Variants in CNTN4 observed in about 807,000 individuals in gnomAD.
CNTN4 encodes contactin 4.
A neutral mutation model predicts 122.5 loss-of-function variants in CNTN4; 77 were observed. That is an observed-to-expected ratio of 0.63 (90% CI 0.52 to 0.76). The LOEUF is 0.76. Among genes scored for constraint, CNTN4 ranks in the 30% least tolerant of loss-of-function variants. The pLI is 0.00. For missense variants in CNTN4, 1,256 were observed against 1,259.1 expected (o/e 1.00, Z 0.04); for synonymous variants, 512 against 447.0 (o/e 1.15, Z -1.83).
intron 2 of CNTN4, among the ~76,000 whole-genome samples, chr3:2,259,369 T>G (rs570433333): frequency 4.6e-5 from 7 of 152,228 alleles, no homozygotes; most frequent in Non-Finnish European, 7.3e-5. Flanking sequence ...GTTATTCTCA[T>G]GTTACATGAT....
intron 14 of CNTN4, among the ~76,000 whole-genome samples, chr3:2,999,833 A>T (rs1341945168): frequency 6.6e-6 from 1 of 152,206 alleles, no homozygotes; most frequent in African/African-American, 2.4e-5. Flanking sequence ...GAAGGGATTT[A>T]TGTCAATGGG....
In CNTN4 at chr3:2,151,649, G is replaced by C. The variant is rs113735654; in HGVS notation, c.-145+51010G>C. On this transcript the variant is annotated intron_variant, in intron 2 of 24. Coordinates refer to ENST00000418658, the MANE Select transcript of CNTN4 (RefSeq NM_175607.3). ...TTTAAGAGGTGATTAGACCCTGAGG[G>C]ATCTGCCCTCAAGAATGGATTCATC... 1.6e-3 allele frequency among the ~76,000 whole-genome samples: 249 copies of C among 152,306 alleles called. 1 individual carries two copies. The highest frequency in any genetic ancestry group is 5.8e-3 in the African/African-American group (241 of 41,560).
At position 2,574,226 on chromosome 3, in the gene CNTN4, G is replaced by A. The variant is rs151017501; in HGVS notation, c.55+2668G>A. Among the ~76,000 whole-genome samples the A allele has an allele frequency of 1.5e-3, 230 of 151,790 alleles. 3 individuals are homozygous for A. Among genetic ancestry groups the A allele is most frequent in the African/African-American group, 4.9e-3 (203 of 41,196 alleles). On this transcript the variant is annotated intron_variant, in intron 4 of 24. Coordinates refer to ENST00000418658, the MANE Select transcript of CNTN4 (RefSeq NM_175607.3). Reference sequence around the variant, plus strand: ...AGTGAAACTCCATCTCACCAAAAACGAAAAACAAAAACAAAACAAAAAACT... The same window carrying A: ...AGTGAAACTCCATCTCACCAAAAACAAAAAACAAAAACAAAACAAAAAACT...
chr3:2,553,773 G>A (rs192253491), intron 3 of CNTN4, among the ~76,000 whole-genome samples: 5 of 152,134 alleles, frequency 3.3e-5, no homozygotes, highest in African/African-American at 7.2e-5. Flanking sequence ...ATCATGAAAA[G>A]TTACTATTAA....
At chr3:2,478,410 T>TTG (rs1553661836) in intron 3 of CNTN4, among the ~76,000 whole-genome samples, 11 of 123,654 alleles carry the variant, frequency 8.9e-5, no homozygotes, top group Non-Finnish European at 1.6e-4. Flanking sequence ...ATCTGTTTGT[T>TTG]TTTTTTTTTT....
At chr3:2,844,086 A>G (rs765436250) in intron 7 of CNTN4, among the ~76,000 whole-genome samples, 3 of 152,100 alleles carry the variant, frequency 2.0e-5, no homozygotes, top group Non-Finnish European at 4.4e-5. Context: ...CCTCCTAGCA[A>G]TGGGGCCTTT....
At chr3:2,782,577 A>C (rs2091647055) in intron 6 of CNTN4, among the ~76,000 whole-genome samples, 1 of 151,534 alleles carries the variant, frequency 6.6e-6, no homozygotes, top group Admixed American at 6.6e-5. Flanking sequence ...ACAAAGAATT[A>C]GCATAAGTCC....
Position 3,056,160 on chromosome 3 carries a change from A to T in CNTN4, c.3021A>T (p.Ala1007=), listed in dbSNP as rs373172900. The T allele has an allele frequency of 6.2e-7, 1 of 1,614,154 alleles. No individual in the cohort carries two copies. Among genetic ancestry groups the T allele is most frequent in the Non-Finnish European group, 8.5e-7 (1 of 1,179,984 alleles). Residue 1007 remains alanine (A), a synonymous_variant, in exon 25 of 25, where the codon GCA becomes GCT. Transcript: ENST00000418658. ...ARGSGASTSN[A]CTLSAISTIM... Reference sequence around the variant, plus strand: ...GATCTGGGGCTTCCACTTCGAATGCATGTACGCTGTCAGCCATCAGTACAA... The same window carrying T: ...GATCTGGGGCTTCCACTTCGAATGCTTGTACGCTGTCAGCCATCAGTACAA...
intron 2 of CNTN4, among the ~76,000 whole-genome samples, chr3:2,256,357 G>A (rs571546758): frequency 6.6e-6 from 1 of 152,256 alleles, no homozygotes; most frequent in South Asian, 2.1e-4. Flanking sequence ...AATTCTACCA[G>A]AGGTACAAAG....
chr3:2,494,331 G>T lies in CNTN4; in HGVS notation c.-88-77085G>T, dbSNP rs1276524909. 2.0e-5 allele frequency among the ~76,000 whole-genome samples: 3 copies of T among 152,296 alleles called. No homozygotes were observed. The East Asian group carries it at 5.8e-4, about 29-fold the overall frequency. ...GTATACTTTGGTTTTGTCCAGAAAG[G>T]TGGTAGAACCTGAAGCATGTGGCAG... On this transcript the variant is annotated intron_variant, in intron 3 of 24. Coordinates refer to ENST00000418658, the MANE Select transcript of CNTN4 (RefSeq NM_175607.3).
chr3:2,415,437 G>A (rs2047377071), intron 3 of CNTN4, among the ~76,000 whole-genome samples: 2 of 152,196 alleles, frequency 1.3e-5, no homozygotes, highest in Admixed American at 6.5e-5. Context: ...ATAGTGCAGA[G>A]TTTCACTTGG....
chr3:2,121,357 A>G lies in CNTN4; in HGVS notation c.-145+20718A>G, dbSNP rs537637684. Among the ~76,000 whole-genome samples the G allele has an allele frequency of 2.1e-4, 32 of 152,064 alleles. No individual in the cohort carries two copies. In the East Asian group the frequency reaches 5.4e-3, roughly 26 times the overall value. The stretch of plus-strand genomic sequence containing the variant: ...TACTAAAAATAGAAAAATTAGCCCG[A>G]TGTGGTGGCACGTGCCTGTAAACCC... On this transcript the variant is annotated intron_variant, in intron 2 of 24. Transcript: ENST00000418658.
intron 7 of CNTN4, among the ~76,000 whole-genome samples, chr3:2,832,346 G>A (rs2093122520): frequency 6.6e-6 from 1 of 152,214 alleles, no homozygotes; most frequent in Non-Finnish European, 1.5e-5. Flanking sequence ...CTCCTGCCAT[G>A]TAGCCTACAG....
chr3:2,898,580 TC>T (rs2094139633), intron 10 of CNTN4, among the ~76,000 whole-genome samples: 4 of 152,358 alleles, frequency 2.6e-5, no homozygotes, highest in African/African-American at 9.6e-5. Flanking sequence ...CTTCCAGCTT[TC>T]TGCATTTTTG....
At chr3:2,536,586 A>G (rs953700308) in intron 3 of CNTN4, among the ~76,000 whole-genome samples, 2 of 150,884 alleles carry the variant, frequency 1.3e-5, no homozygotes, top group African/African-American at 4.9e-5. Flanking sequence ...TTTTTTAAAT[A>G]ATTTTTTTTT....
chr3:3,026,277 G>A lies in CNTN4; in HGVS notation c.1662G>A (p.Gly554=). The A allele has an allele frequency of 6.2e-7, 1 of 1,612,712 alleles. No individual in the cohort carries two copies. Among genetic ancestry groups the A allele is most frequent in the Non-Finnish European group, 8.5e-7 (1 of 1,179,034 alleles). Residue 554 remains glycine (G), a splice_region_variant and synonymous_variant, in exon 15 of 25, where the codon GGG becomes GGA. Transcript: ENST00000418658. ...RDGDHFERVG[G]QDSAGDLMIR... ...GGGACCACTTTGAAAGAGTTGGAGG[G>A]GTAAGTATTAATAGCAAAAACTGAC...
At chr3:2,987,508 G>A (rs1486198102) in intron 13 of CNTN4, among the ~76,000 whole-genome samples, 1 of 152,214 alleles carries the variant, frequency 6.6e-6, no homozygotes, top group Non-Finnish European at 1.5e-5. Context: ...GATGTGAGCA[G>A]ATCTGAAATA....
At chr3:2,973,938 G>A (rs1252152481) in intron 13 of CNTN4, among the ~76,000 whole-genome samples, 1 of 152,136 alleles carries the variant, frequency 6.6e-6, no homozygotes, top group Non-Finnish European at 1.5e-5. Flanking sequence ...TGTTTCACAA[G>A]GTACAAGATT....
chr3:2,694,931 G>A (rs529367631), intron 4 of CNTN4, among the ~76,000 whole-genome samples: 1 of 152,226 alleles, frequency 6.6e-6, no homozygotes, highest in East Asian at 1.9e-4. Context: ...GCTTATAAAT[G>A]AACCGTTTGG....
Sources: gnomAD v4.1 joint callset for allele counts (sites outside exome capture counted in the v4.1 genomes callset) on GRCh38, gnomAD v4.1.1 for gene constraint, MANE v1.5 for transcripts, NCBI Gene and HGNC (gene_info 2026-07-23, HGNC 2026-07-21) for gene names.